Variants in RPS19 observed in about 807,000 individuals in gnomAD.
RPS19 encodes the protein ribosomal protein S19.
In RPS19, 1 loss-of-function variant was observed where a neutral mutation model predicts 20.3. The ratio of observed to expected loss-of-function variants is 0.05; its 90% CI spans 0.02 to 0.23. The LOEUF (loss-of-function observed/expected upper bound fraction) is 0.23. Ranked by LOEUF, RPS19 falls within the 10% of genes least tolerant of loss-of-function variation. The probability of loss-of-function intolerance (pLI) is 1.00; values close to 1 mark genes in which losing one functional copy is unlikely to be tolerated. For missense variants in RPS19, 111 were observed against 192.7 expected (o/e 0.58, Z 2.51); for synonymous variants, 87 against 74.8 (o/e 1.16, Z -0.84).
At chr19:41,862,844 T>C (rs1268120362) in intron 3 of RPS19, among the ~76,000 whole-genome samples, 4 of 152,086 alleles carry the variant, frequency 2.6e-5, no homozygotes, top group Non-Finnish European at 5.9e-5. Flanking sequence ...AAGGCCTCTT[T>C]TTCACCTCAC....
chr19:41,863,109 T>A (rs1555839669), intron 3 of RPS19, among the ~76,000 whole-genome samples: 1 of 152,180 alleles, frequency 6.6e-6, no homozygotes, highest in Non-Finnish European at 1.5e-5. Context: ...CTGCAGCTTC[T>A]TGGGCTCAAG....
intron 4 of RPS19, chr19:41,869,486 A>G (rs1327965621): frequency 4.9e-6 from 3 of 617,298 alleles, no homozygotes; most frequent in Non-Finnish European, 8.6e-6. Flanking sequence ...GGGGCTTTTG[A>G]TCTAAATGCT....
chr19:41,871,038 T>C (rs962181043), intron 5 of RPS19, among the ~76,000 whole-genome samples: 1 of 151,714 alleles, frequency 6.6e-6, no homozygotes, highest in Non-Finnish European at 1.5e-5. Context: ...AGTTTTTATA[T>C]TTTTAGTAGA....
At chr19:41,862,636 T>G (rs1303791516) in intron 3 of RPS19, among the ~76,000 whole-genome samples, 1 of 26,694 alleles carries the variant, frequency 3.7e-5, no homozygotes, top group Non-Finnish European at 9.2e-5. Context: ...GTCTTGTACA[T>G]TTTTTTTTTT....
In RPS19 at chr19:41,871,568, C is replaced by T; in HGVS notation, c.*191C>T. ...AAGTGCTGGGATTACAAGTGTGAGC[C>T]ACTGTGCCTGGTCTGGTTTGGGTCT... On this transcript the variant is annotated 3_prime_UTR_variant, in exon 6 of 6. Transcript: ENST00000598742. 1 of 606,476 alleles carries T rather than the reference C, an allele frequency of 1.6e-6. No homozygotes were observed. The highest frequency in any genetic ancestry group is 3.0e-6 in the Non-Finnish European group (1 of 336,870). 37.6% of individuals were successfully genotyped at this position (606,476 alleles called of 1,614,324 possible). A position where few individuals can be genotyped will look rare whatever the true frequency, so the allele number is the denominator to read the frequency against.
intron 1 of RPS19, 172 bp downstream of exon 1, chr19:41,860,461 G>C (rs2074015970): frequency 2.4e-6 from 1 of 421,624 alleles, no homozygotes; most frequent in Admixed American, 3.7e-5. Context: ...CGCCGTCCGG[G>C]AACCGAGCGT....
chr19:41,866,657 TG>T (rs2123278011), intron 3 of RPS19, among the ~76,000 whole-genome samples: 1 of 152,288 alleles, frequency 6.6e-6, no homozygotes, highest in East Asian at 1.9e-4. Context: ...AGCTGAGGAT[TG>T]GTTCCAGGAT....
chr19:41,860,974 A>T, intron 2 of RPS19, 129 bp downstream of exon 2: 1 of 1,108,894 alleles, frequency 9.0e-7, no homozygotes, highest in Non-Finnish European at 1.4e-6. Flanking sequence ...TTTCAGCGTG[A>T]GGCCTGGCTT....
rs2074140299 is a variant in RPS19 at position 41,870,848 on chromosome 19, CCTTTT to C, written c.412-502_412-498del. ...TTGGACTCCACTCCGCCACTCCCTT[CCTTTT>C]TTTTTTTTTTTTTTTTTTTTTTTTT... is the stretch of plus-strand genomic sequence containing the variant. On this transcript the variant is annotated intron_variant, in intron 5 of 5. Transcript: ENST00000598742. Among the ~76,000 whole-genome samples the C allele has an allele frequency of 3.5e-4, 30 of 85,808 alleles. 2 individuals carry two copies. The highest frequency in any genetic ancestry group is 1.0e-3 in the African/African-American group (23 of 22,592). 56.3% of individuals were successfully genotyped at this position (85,808 alleles called of 152,430 possible).
intron 3 of RPS19, among the ~76,000 whole-genome samples, chr19:41,867,307 A>G (rs941475806): frequency 6.6e-6 from 1 of 151,074 alleles, no homozygotes; most frequent in Non-Finnish European, 1.5e-5. Context: ...TATCCTATGT[A>G]GATGTTTTAC....
intron 3 of RPS19, 172 bp downstream of exon 3, chr19:41,861,384 T>G: frequency 3.1e-6 from 2 of 638,388 alleles, no homozygotes; most frequent in Non-Finnish European, 5.7e-6. Context: ...TACTCCAAGT[T>G]TTTATGACAT....
At chr19:41,867,339 T>G (rs2123279900) in intron 3 of RPS19, among the ~76,000 whole-genome samples, 1 of 152,280 alleles carries the variant, frequency 6.6e-6, no homozygotes, top group East Asian at 1.9e-4. Context: ...AGTCTCACTC[T>G]GTCACCCAGT....
chr19:41,860,568 C>A lies in RPS19; in HGVS notation c.1-207C>A. 4.7e-6 allele frequency: 3 copies of A among 637,410 alleles called. No individual in the cohort carries two copies. In the South Asian group the frequency reaches 5.1e-5, roughly 11 times the overall value. The allele number at this position is 637,410 out of a possible 1,614,324, so 39.5% of individuals were successfully genotyped here. A position where few individuals can be genotyped will look rare whatever the true frequency, so the allele number is the denominator to read the frequency against. ...GATCCTCACACGCAGGGGCCGGGCTCTGTTAGTGCGATCCAGAGAGGCCGT... is the reference window on the plus strand; with the variant it reads ...GATCCTCACACGCAGGGGCCGGGCTATGTTAGTGCGATCCAGAGAGGCCGT... On this transcript the variant is annotated intron_variant, in intron 1 of 5. Coordinates refer to ENST00000598742, the MANE Select transcript of RPS19 (RefSeq NM_001022.4).
At position 41,871,989 on chromosome 19, in the gene RPS19, C is replaced by T. The variant is rs963050976; in HGVS notation, c.*612C>T. ...CACACTAACTTTCCTGGGCCTGGGG[C>T]CTGCACAGGCTGAATGGTCCTTGAG... On this transcript the variant is annotated 3_prime_UTR_variant, in exon 6 of 6. Transcript: ENST00000598742. 3 of 155,950 alleles carry T rather than the reference C, an allele frequency of 1.9e-5. No homozygotes were observed. The highest frequency in any genetic ancestry group is 4.3e-5 in the Non-Finnish European group (3 of 70,298). The allele number at this position is 155,950 out of a possible 1,614,324, so 9.7% of individuals were successfully genotyped here. A position where few individuals can be genotyped will look rare whatever the true frequency, so the allele number is the denominator to read the frequency against.
At chr19:41,861,363 C>G (rs1389612986) in intron 3 of RPS19, 151 bp downstream of exon 3, 1 of 672,938 alleles carries the variant, frequency 1.5e-6, no homozygotes, top group Admixed American at 2.1e-5. Context: ...ATGTGACATT[C>G]GATAACTTGG....
rs1014997144 is a variant in RPS19, at chr19:41,860,756, G to A, written c.1-19G>A. The A allele has an allele frequency of 1.9e-6, 3 of 1,603,730 alleles. No homozygotes were observed. In the African/African-American group the frequency reaches 4.0e-5, roughly 21 times the overall value. ...GTCTCTGCCAGGCCTGTGTTCACAT[G>A]CTTGACTTTCTCCCTCAGATGCCTG... On this transcript the variant is annotated intron_variant, in intron 1 of 5. Coordinates refer to ENST00000598742, the MANE Select transcript of RPS19 (RefSeq NM_001022.4).
chr19:41,862,650 TTTA>T (rs1373184992), intron 3 of RPS19, among the ~76,000 whole-genome samples: 21 of 151,886 alleles, frequency 1.4e-4, no homozygotes, highest in African/African-American at 5.1e-4. Context: ...TTTTTTTTTT[TTTA>T]ACATGGGGAG....
chr19:41,861,402 G>A (rs1196442631), intron 3 of RPS19, 190 bp downstream of exon 3: 2 of 613,964 alleles, frequency 3.3e-6, no homozygotes, highest in African/African-American at 1.8e-5. Context: ...CATTCTAAGA[G>A]CTTTGTGAGA....
At chr19:41,862,236 T>A (rs782371494) in intron 3 of RPS19, among the ~76,000 whole-genome samples, 4 of 152,138 alleles carry the variant, frequency 2.6e-5, no homozygotes, top group Non-Finnish European at 5.9e-5. Context: ...TTTTGTAGAT[T>A]TGTGGTACAC....
Sources: gnomAD v4.1 joint callset for allele counts (sites outside exome capture counted in the v4.1 genomes callset) on GRCh38, gnomAD v4.1.1 for gene constraint, MANE v1.5 for transcripts, NCBI Gene and HGNC (gene_info 2026-07-23, HGNC 2026-07-21) for gene names.